Variants in STXBP5L observed in about 807,000 individuals in gnomAD.
STXBP5L encodes the protein syntaxin binding protein 5L.
In STXBP5L, 65 loss-of-function variants were observed where a neutral mutation model predicts 144.5. That is an observed-to-expected ratio of 0.45 (90% CI 0.37 to 0.55). STXBP5L has a LOEUF of 0.55. STXBP5L is among the 20% of genes least tolerant of loss of function. The probability of loss-of-function intolerance (pLI) is 0.00; values close to 1 mark genes in which losing one functional copy is unlikely to be tolerated. For missense variants in STXBP5L, 1,298 were observed against 1,405.5 expected, an observed-to-expected ratio of 0.92 and a Z score of 1.22; for synonymous variants, 505 against 469.6, an observed-to-expected ratio of 1.08 and a Z score of -0.97.
At chr3:121,340,012 AT>A (rs1198357314) in intron 20 of STXBP5L, among the ~76,000 whole-genome samples, 2 of 152,172 alleles carry the variant, frequency 1.3e-5, no homozygotes, top group African/African-American at 2.4e-5. Context: ...TGAAATTCCT[AT>A]CAAAATACCA....
intron 3 of STXBP5L, among the ~76,000 whole-genome samples, chr3:120,975,136 T>A (rs1257280174): frequency 1.3e-5 from 2 of 152,190 alleles, no homozygotes; most frequent in Non-Finnish European, 2.9e-5. Flanking sequence ...CCTTGGGCAG[T>A]GTGGCCATTT....
At chr3:121,381,158 G>A in intron 21 of STXBP5L, 135 bp from the exon 22 acceptor site, 1 of 839,286 alleles carries the variant, frequency 1.2e-6, no homozygotes, top group South Asian at 1.8e-5. Context: ...AACTGGATAA[G>A]CTCCCTCTCA....
chr3:120,953,167 G>C (rs1937633492), intron 2 of STXBP5L, among the ~76,000 whole-genome samples: 1 of 151,918 alleles, frequency 6.6e-6, no homozygotes, highest in African/African-American at 2.4e-5. Flanking sequence ...TTACAGACAT[G>C]CTTGAAATAG....
intron 5 of STXBP5L, among the ~76,000 whole-genome samples, chr3:121,094,290 G>A (rs1219922214): frequency 1.8e-4 from 27 of 152,214 alleles, no homozygotes; most frequent in Non-Finnish European, 2.1e-4. Flanking sequence ...TATTAGGTCC[G>A]CTTGGTGCAG....
At chr3:121,129,464 A>G (rs765633674) in intron 7 of STXBP5L, among the ~76,000 whole-genome samples, 4 of 151,938 alleles carry the variant, frequency 2.6e-5, no homozygotes, top group Non-Finnish European at 4.4e-5. Context: ...GTAATAGTAC[A>G]TCGCTATAAA....
At chr3:121,125,926 C>T (rs1226509136) in intron 7 of STXBP5L, among the ~76,000 whole-genome samples, 1 of 152,122 alleles carries the variant, frequency 6.6e-6, no homozygotes, top group Non-Finnish European at 1.5e-5. Flanking sequence ...CTCTCTTCCT[C>T]CTTATTATTT....
chr3:121,000,821 G>T (rs1374465709), intron 3 of STXBP5L, among the ~76,000 whole-genome samples: 1 of 152,080 alleles, frequency 6.6e-6, no homozygotes. Flanking sequence ...TTGAATGTTC[G>T]ACTGTGGTAT....
intron 5 of STXBP5L, among the ~76,000 whole-genome samples, chr3:121,093,030 CAT>C (rs1221375220): frequency 6.6e-6 from 1 of 152,192 alleles, no homozygotes; most frequent in Non-Finnish European, 1.5e-5. Context: ...TTGAGATAAT[CAT>C]GTGGTTTTTG....
intron 3 of STXBP5L, among the ~76,000 whole-genome samples, chr3:120,977,679 G>A (rs536801794): frequency 5.0e-4 from 76 of 152,220 alleles, no homozygotes; most frequent in Admixed American, 1.5e-3. Context: ...GCAGTGGCTG[G>A]TACCAGTTGT....
intron 3 of STXBP5L, among the ~76,000 whole-genome samples, chr3:121,017,202 A>G (rs1945203374): frequency 6.6e-6 from 1 of 152,234 alleles, no homozygotes; most frequent in South Asian, 2.1e-4. Context: ...TTATATTAGT[A>G]GATGCAGAGT....
chr3:120,913,309 C>T (rs1324598894), intron 2 of STXBP5L, among the ~76,000 whole-genome samples: 1 of 151,856 alleles, frequency 6.6e-6, no homozygotes, highest in African/African-American at 2.4e-5. Flanking sequence ...TAGAGATTTC[C>T]AGCACCTCCC....
At chr3:121,262,938 T>C (rs539716232) in intron 18 of STXBP5L, among the ~76,000 whole-genome samples, 1 of 152,226 alleles carries the variant, frequency 6.6e-6, no homozygotes, top group South Asian at 2.1e-4. Context: ...AAGAGAGAAG[T>C]GGATCTCCCA....
At chr3:121,037,839 T>C (rs2107535195) in intron 3 of STXBP5L, among the ~76,000 whole-genome samples, 1 of 152,188 alleles carries the variant, frequency 6.6e-6, no homozygotes, top group Non-Finnish European at 1.5e-5. Flanking sequence ...TTCAGTTTCA[T>C]TAATTTGTAT....
chr3:121,054,590 G>T (rs1254539094), intron 5 of STXBP5L, among the ~76,000 whole-genome samples: 1 of 114,398 alleles, frequency 8.7e-6, no homozygotes, highest in Non-Finnish European at 1.7e-5. Flanking sequence ...GGCCTGTTGT[G>T]GGGTGGGGGG....
At chr3:121,055,828 G>A (rs541844056) in intron 5 of STXBP5L, among the ~76,000 whole-genome samples, 5 of 151,726 alleles carry the variant, frequency 3.3e-5, no homozygotes, top group South Asian at 2.1e-4. Context: ...GCCTCCTGAG[G>A]TGTGCACTAT....
chr3:120,917,531 C>T (rs1158214866), intron 2 of STXBP5L, among the ~76,000 whole-genome samples: 3 of 151,972 alleles, frequency 2.0e-5, no homozygotes, highest in African/African-American at 4.8e-5. Context: ...GTAAGATTTG[C>T]CTTTTAAAAT....
intron 16 of STXBP5L, among the ~76,000 whole-genome samples, chr3:121,255,858 G>C (rs962383224): frequency 1.3e-5 from 2 of 152,034 alleles, no homozygotes; most frequent in Admixed American, 6.6e-5. Flanking sequence ...ATAAACAACT[G>C]TCCTTCTCTA....
chr3:121,385,403 A>T (rs1190864916), intron 22 of STXBP5L, among the ~76,000 whole-genome samples: 1 of 152,140 alleles, frequency 6.6e-6, no homozygotes, highest in Admixed American at 6.6e-5. Flanking sequence ...GCACAGAGAG[A>T]ACTCACTAAT....
intron 2 of STXBP5L, among the ~76,000 whole-genome samples, chr3:120,935,254 A>G (rs927580734): frequency 2.9e-4 from 44 of 151,824 alleles, no homozygotes; most frequent in African/African-American, 1.0e-3. Context: ...GTACCACTAC[A>G]TGAGCCATGC....
Sources: allele counts gnomAD v4.1 joint callset (sites outside exome capture counted in the v4.1 genomes callset), GRCh38; gene constraint gnomAD v4.1.1; transcripts MANE v1.5; gene names NCBI Gene and HGNC (gene_info 2026-07-23, HGNC 2026-07-21).